GRIK5: variants seen among roughly 807,000 people sequenced by gnomAD.
The protein encoded by GRIK5 is glutamate receptor ionotropic, kainate 5.
A neutral mutation model predicts 97.4 loss-of-function variants in GRIK5; 43 were observed. The ratio of observed to expected loss-of-function variants is 0.44; its 90% CI spans 0.35 to 0.57. The LOEUF (loss-of-function observed/expected upper bound fraction) is 0.57. Ranked by LOEUF, GRIK5 falls within the 20% of genes least tolerant of loss-of-function variation. The pLI is 0.01. For missense variants in GRIK5, 1,015 were observed against 1,382.0 expected (o/e 0.73, Z 4.21); for synonymous variants, 580 against 583.5 (o/e 0.99, Z 0.09).
intron 12 of GRIK5, among the ~76,000 whole-genome samples, chr19:42,038,314 A>C (rs899661): frequency 0.11 from 16,327 of 152,152 alleles, 970 homozygotes; most frequent in Middle Eastern, 0.17. Context: ...GGCCAAGGAG[A>C]CCTGTGCCTG....
intron 6 of GRIK5, 63 bp downstream of exon 6, chr19:42,059,286 C>G: frequency 4.3e-6 from 6 of 1,388,364 alleles, no homozygotes; most frequent in Non-Finnish European, 6.1e-6. Flanking sequence ...CATTGGGTGA[C>G]TTGCTCGGTC....
At chr19:42,053,954 G>C (rs1357802757) in intron 9 of GRIK5, 25 bp from the exon 10 acceptor site, 1 of 1,515,954 alleles carries the variant, frequency 6.6e-7, no homozygotes, top group Non-Finnish European at 9.2e-7. Flanking sequence ...AGGTGGGGCA[G>C]AGGGAGAGTG....
intron 8 of GRIK5, among the ~76,000 whole-genome samples, chr19:42,055,682 C>T (rs2076173919): frequency 6.7e-6 from 1 of 149,478 alleles, no homozygotes; most frequent in Non-Finnish European, 1.5e-5. Flanking sequence ...GGTAGTTTAC[C>T]TTTTTTTTTT....
chr19:42,015,867 C>T (rs1273739717), intron 15 of GRIK5, among the ~76,000 whole-genome samples: 1 of 152,124 alleles, frequency 6.6e-6, no homozygotes, highest in African/African-American at 2.4e-5. Context: ...CTGAAAAGGG[C>T]CTCCCAGACC....
At chr19:42,034,826 A>G (rs2075882090) in intron 12 of GRIK5, among the ~76,000 whole-genome samples, 1 of 133,860 alleles carries the variant, frequency 7.5e-6, no homozygotes, top group Non-Finnish European at 1.6e-5. Flanking sequence ...ATACGCTGTC[A>G]GTTTCCCCCA....
chr19:42,023,973 T>C (rs1324793258), intron 12 of GRIK5, among the ~76,000 whole-genome samples: 1 of 152,218 alleles, frequency 6.6e-6, no homozygotes, highest in African/African-American at 2.4e-5. Flanking sequence ...AGGGCTCAGC[T>C]GCCCTGCCAG....
At chr19:42,014,268 C>T (rs2075599798) in intron 15 of GRIK5, among the ~76,000 whole-genome samples, 1 of 152,074 alleles carries the variant, frequency 6.6e-6, no homozygotes, top group Non-Finnish European at 1.5e-5. Context: ...CTGGCGTGCG[C>T]TTGTAGTCCC....
chr19:42,026,867 C>G (rs781529537), intron 12 of GRIK5, among the ~76,000 whole-genome samples: 3 of 152,142 alleles, frequency 2.0e-5, no homozygotes, highest in African/African-American at 7.2e-5. Flanking sequence ...TGCACCCAGC[C>G]ACCTTGTTCT....
At chr19:42,054,622 G>T in intron 8 of GRIK5, 150 bp from the exon 9 acceptor site, 1 of 805,264 alleles carries the variant, frequency 1.2e-6, no homozygotes, top group Non-Finnish European at 1.9e-6. Flanking sequence ...TGAGGAAGTG[G>T]CTCTGGTGTC....
intron 12 of GRIK5, among the ~76,000 whole-genome samples, chr19:42,040,297 G>A (rs1282722192): frequency 6.6e-6 from 1 of 152,182 alleles, no homozygotes; most frequent in East Asian, 1.9e-4. Context: ...AGGTCAGACA[G>A]CTGTAAATAA....
At chr19:42,025,475 G>C (rs1368117405) in intron 12 of GRIK5, among the ~76,000 whole-genome samples, 1 of 152,102 alleles carries the variant, frequency 6.6e-6, no homozygotes, top group Admixed American at 6.5e-5. Context: ...GGAGGAGTCA[G>C]TGAGTCCTTG....
chr19:42,039,703 T>C (rs2075954663), intron 12 of GRIK5, among the ~76,000 whole-genome samples: 1 of 152,066 alleles, frequency 6.6e-6, no homozygotes, highest in East Asian at 1.9e-4. Context: ...GTATGAATAA[T>C]AACAATAATA....
intron 17 of GRIK5, among the ~76,000 whole-genome samples, chr19:42,004,288 C>T (rs367583271): frequency 2.6e-5 from 4 of 152,270 alleles, no homozygotes; most frequent in South Asian, 4.1e-4. Context: ...GGACACCAGA[C>T]GAATCCCCAT....
chr19:42,064,736 AC>A (rs1430475451), intron 3 of GRIK5, among the ~76,000 whole-genome samples: 3 of 152,202 alleles, frequency 2.0e-5, no homozygotes, highest in African/African-American at 7.2e-5. Context: ...TGTTCAAGTG[AC>A]ACCTTCGAAC....
At chr19:42,068,038 T>G (rs188994771) in intron 1 of GRIK5, among the ~76,000 whole-genome samples, 1 of 151,664 alleles carries the variant, frequency 6.6e-6, no homozygotes, top group East Asian at 1.9e-4. Flanking sequence ...GTACAAGACT[T>G]GGGAGAAGGA....
At chr19:42,054,206 G>C in intron 9 of GRIK5, 114 bp downstream of exon 9, 1 of 1,132,976 alleles carries the variant, frequency 8.8e-7, no homozygotes, top group Non-Finnish European at 1.3e-6. Flanking sequence ...AGGGGAGGCA[G>C]TGGGTACGGT....
At chr19:42,055,090 C>T (rs1242118173) in intron 8 of GRIK5, among the ~76,000 whole-genome samples, 4 of 152,174 alleles carry the variant, frequency 2.6e-5, no homozygotes, top group African/African-American at 4.8e-5. Context: ...TGTGCTGTTA[C>T]GGGGCTCCGG....
intron 6 of GRIK5, among the ~76,000 whole-genome samples, chr19:42,058,615 T>G (rs1002115939): frequency 3.3e-5 from 5 of 150,164 alleles, no homozygotes; most frequent in Non-Finnish European, 5.9e-5. Flanking sequence ...ATCACGAGGT[T>G]AGGAGTTCAA....
chr19:42,062,632 G>A lies in GRIK5; in HGVS notation c.364C>T (p.Pro122Ser). The change falls in exon 5 of 20, where the codon CCC (proline) becomes TCC (serine). Residue 122 changes from proline to serine, a missense_variant. Around this residue, in one of 5 missense-constraint regions of GRIK5, gnomAD observed 198 missense variants for 218.2 expected, o/e 0.91. Coordinates refer to ENST00000593562, the MANE Select transcript of GRIK5 (RefSeq NM_002088.5). This position sits in a 1 kb window ranked among gnomAD's most constrained non-coding sequence, Gnocchi z 5.3. ...EKEIPHIKVG[P>S]EETPRLQYLR... Reference sequence around the variant, plus strand: ...TACTGAAGGCGGGGTGTCTCCTCGGGACCCACCTTGATGTGGGGGATCTGG... The same window carrying A: ...TACTGAAGGCGGGGTGTCTCCTCGGAACCCACCTTGATGTGGGGGATCTGG... 1 of 1,614,112 alleles carries A rather than the reference G, an allele frequency of 6.2e-7. No homozygotes were observed. The highest frequency in any genetic ancestry group is 8.5e-7 in the Non-Finnish European group (1 of 1,180,012).
Sources: allele counts gnomAD v4.1 joint callset (sites outside exome capture counted in the v4.1 genomes callset), GRCh38; gene constraint gnomAD v4.1.1; regional missense constraint gnomAD v4.1.1; non-coding constraint Gnocchi (gnomAD v3.1); transcripts MANE v1.5; gene names NCBI Gene and HGNC (gene_info 2026-07-23, HGNC 2026-07-21).